The following EIPR1 variants were observed in gnomAD, a reference collection of about 807,000 sequenced individuals.
EIPR1 encodes the protein EARP complex and GARP complex interacting protein 1, also known as EARP and GARP complex-interacting protein 1.
In EIPR1, 25 loss-of-function variants were observed where a neutral mutation model predicts 48.1. The observed-to-expected ratio is 0.52, with a 90% CI of 0.38 to 0.73. The LOEUF (loss-of-function observed/expected upper bound fraction) is 0.73, where lower values mean the gene tolerates loss of function less well. Ranked by LOEUF, EIPR1 falls within the 30% of genes least tolerant of loss-of-function variation. The pLI, the probability that EIPR1 is intolerant of heterozygous loss-of-function variation, is 0.00. For missense variants in EIPR1, 415 were observed against 506.2 expected (o/e 0.82, Z 1.73); for synonymous variants, 204 against 201.9 (o/e 1.01, Z -0.09).
chr2:3,213,061 T>C (rs1572301650), intron 5 of EIPR1, among the ~76,000 whole-genome samples: 1 of 152,302 alleles, frequency 6.6e-6, no homozygotes, highest in African/African-American at 2.4e-5. Context: ...GACTTATTAA[T>C]ATTCTAAGGC....
At chr2:3,334,687 C>T (rs377378210) in intron 3 of EIPR1, among the ~76,000 whole-genome samples, 8 of 152,256 alleles carry the variant, frequency 5.3e-5, no homozygotes, top group Non-Finnish European at 8.8e-5. Flanking sequence ...GCATTTCACA[C>T]TGGAAAACAG....
Position 3,290,593 on chromosome 2 carries a change from T to C in EIPR1, c.260-33138A>G, listed in dbSNP as rs964588595. 8.5e-5 allele frequency among the ~76,000 whole-genome samples: 13 copies of C among 152,142 alleles called. 1 individual carries two copies. The highest frequency in any genetic ancestry group is 3.1e-4 in the African/African-American group (13 of 41,414). ...TGTAATGGGTCTTGCCACTTGGGCATCTGTAGAATTCATTTGGCCATGAAT... is the reference window on the plus strand; with the variant it reads ...TGTAATGGGTCTTGCCACTTGGGCACCTGTAGAATTCATTTGGCCATGAAT... On this transcript the variant is annotated intron_variant, in intron 3 of 8. Coordinates refer to ENST00000382125, the MANE Select transcript of EIPR1 (RefSeq NM_003310.5).
At chr2:3,249,044 C>T (rs1666926623) in intron 4 of EIPR1, among the ~76,000 whole-genome samples, 1 of 152,156 alleles carries the variant, frequency 6.6e-6, no homozygotes, top group South Asian at 2.1e-4. Flanking sequence ...TAAATAGGTA[C>T]TGAGGAGGGG....
At chr2:3,254,119 C>G (rs1353769848) in intron 4 of EIPR1, among the ~76,000 whole-genome samples, 1 of 152,168 alleles carries the variant, frequency 6.6e-6, no homozygotes, top group Non-Finnish European at 1.5e-5. Flanking sequence ...TGGAGCCTGA[C>G]CCCAAAGGGC....
intron 3 of EIPR1, among the ~76,000 whole-genome samples, chr2:3,303,155 T>C (rs1252340269): frequency 2.0e-5 from 3 of 152,200 alleles, no homozygotes; most frequent in East Asian, 3.9e-4. Context: ...TCACGTGTAT[T>C]TGCTGCACTT....
intron 3 of EIPR1, among the ~76,000 whole-genome samples, chr2:3,293,551 C>T (rs1262104693): frequency 2.0e-5 from 3 of 152,202 alleles, no homozygotes. Context: ...AAGACGGGCC[C>T]ATCAGCCACG....
intron 3 of EIPR1, among the ~76,000 whole-genome samples, chr2:3,290,888 A>G (rs1055573638): frequency 6.6e-6 from 1 of 152,236 alleles, no homozygotes; most frequent in African/African-American, 2.4e-5. Flanking sequence ...GCAATGCAAG[A>G]GGAACACAGA....
intron 4 of EIPR1, among the ~76,000 whole-genome samples, chr2:3,232,686 C>A (rs568274999): frequency 6.6e-6 from 1 of 152,300 alleles, no homozygotes; most frequent in African/African-American, 2.4e-5. Flanking sequence ...CACTCACTCT[C>A]CTCTCAGGGG....
intron 4 of EIPR1, among the ~76,000 whole-genome samples, chr2:3,232,692 A>T (rs535277490): frequency 6.6e-6 from 1 of 152,154 alleles, no homozygotes; most frequent in Admixed American, 6.5e-5. Flanking sequence ...CTCTCCTCTC[A>T]GGGGAGAGAG....
intron 3 of EIPR1, among the ~76,000 whole-genome samples, chr2:3,323,952 C>T (rs1558298483): frequency 6.6e-6 from 1 of 152,182 alleles, no homozygotes; most frequent in South Asian, 2.1e-4. Flanking sequence ...GCTGAACACT[C>T]TTGGAAGGTT....
At chr2:3,324,860 C>G (rs1356658990) in intron 3 of EIPR1, among the ~76,000 whole-genome samples, 2 of 152,216 alleles carry the variant, frequency 1.3e-5, no homozygotes, top group African/African-American at 4.8e-5. Flanking sequence ...CTGACCCTCA[C>G]CAGGCTGGGG....
rs369520192 is a variant in EIPR1 at position 3,190,138 on chromosome 2, G to A, written c.990-630C>T. Among the ~76,000 whole-genome samples, 81 of 152,242 alleles carry A rather than the reference G, an allele frequency of 5.3e-4. 3 individuals carry two copies. In the South Asian group the frequency reaches 0.017, roughly 31 times the overall value. ...CCCACCTCGCCTCCCTTGACTGTGA[G>A]TTACCCTCACTGGGAGCCCTGACCA... On this transcript the variant is annotated intron_variant, in intron 8 of 8. Transcript: ENST00000382125.
chr2:3,210,627 C>CTTTTTTTTTTTTTTTTTTT lies in EIPR1; in HGVS notation c.516+3503_516+3521dup, dbSNP rs56963007. Among the ~76,000 whole-genome samples the CTTTTTTTTTTTTTTTTTTT allele has an allele frequency of 5.1e-5, 6 of 118,418 alleles. 3 individuals are homozygous for CTTTTTTTTTTTTTTTTTTT. Among genetic ancestry groups the CTTTTTTTTTTTTTTTTTTT allele is most frequent in the Non-Finnish European group, 3.5e-5 (2 of 57,636 alleles). 77.7% of individuals were successfully genotyped at this position (118,418 alleles called of 152,430 possible). A position where few individuals can be genotyped will look rare whatever the true frequency, so the allele number is the denominator to read the frequency against. ...TCTTCTCACTGTTTACCTCCCAATTCTTTTTTTTTTTTTTTTTTTTTGAGA... is the reference window on the plus strand; with the variant it reads ...TCTTCTCACTGTTTACCTCCCAATTCTTTTTTTTTTTTTTTTTTTTTTTTTTTTTTTTTTTTTTTTGAGA... On this transcript the variant is annotated intron_variant, in intron 5 of 8. Coordinates refer to ENST00000382125, the MANE Select transcript of EIPR1 (RefSeq NM_003310.5).
intron 1 of EIPR1, among the ~76,000 whole-genome samples, chr2:3,369,989 C>A (rs964790466): frequency 6.6e-6 from 1 of 152,136 alleles, no homozygotes; most frequent in East Asian, 1.9e-4. Context: ...GGCACCCCCC[C>A]CGTAGGGGCA....
chr2:3,325,276 C>A (rs1211305315), intron 3 of EIPR1, among the ~76,000 whole-genome samples: 2 of 152,220 alleles, frequency 1.3e-5, no homozygotes, highest in East Asian at 3.9e-4. Context: ...CGAGCCTGTG[C>A]AGAGCACGCC....
intron 2 of EIPR1, among the ~76,000 whole-genome samples, chr2:3,352,344 G>A (rs1670602444): frequency 6.7e-6 from 1 of 150,038 alleles, no homozygotes; most frequent in Non-Finnish European, 1.5e-5. Flanking sequence ...CCATGCTACA[G>A]AAGCTACCTG....
Position 3,312,997 on chromosome 2 carries a change from T to C in EIPR1, c.259+25020A>G, listed in dbSNP as rs1158057557. On this transcript the variant is annotated intron_variant, in intron 3 of 8. Coordinates refer to ENST00000382125, the MANE Select transcript of EIPR1 (RefSeq NM_003310.5). The surrounding 1 kb of genome is among the most constrained non-coding windows in gnomAD (Gnocchi z 5.5). ...CCTGTGTTTTATCTGACAACCCTAC[T>C]TCCGATGCACACTTCGCACCTCAGC... 6.6e-6 allele frequency among the ~76,000 whole-genome samples: 1 copy of C among 152,236 alleles called. No homozygotes were observed. Among genetic ancestry groups the C allele is most frequent in the Admixed American group, 6.5e-5 (1 of 15,286 alleles).
rs532189518 is a variant in EIPR1 at position 3,341,559 on chromosome 2, TGTGA to T, written c.127-3414_127-3411del. Among the ~76,000 whole-genome samples, 218 of 146,694 alleles carry T rather than the reference TGTGA, an allele frequency of 1.5e-3. 1 individual carries two copies. Among genetic ancestry groups the T allele is most frequent in the South Asian group, 2.9e-3 (13 of 4,504 alleles). On this transcript the variant is annotated intron_variant, in intron 2 of 8. Transcript: ENST00000382125. ...GAGGTGCAGCTGTGTGTGGAGGGGGTGTGAGTGTGAGGCAGGTGCAGGTGTGTAT... is the reference window on the plus strand; with the variant it reads ...GAGGTGCAGCTGTGTGTGGAGGGGGTGTGTGAGGCAGGTGCAGGTGTGTAT...
rs536585690 is a variant in EIPR1 at position 3,287,426 on chromosome 2, G to T, written c.260-29971C>A. On this transcript the variant is annotated intron_variant, in intron 3 of 8. Coordinates refer to ENST00000382125, the MANE Select transcript of EIPR1 (RefSeq NM_003310.5). ...AAGCGTGTTCACCACGCTCCGGAAA[G>T]CTCGTTCACAATCCAGAAAGCGCGT... Among the ~76,000 whole-genome samples, 3 of 144,768 alleles carry T rather than the reference G, an allele frequency of 2.1e-5. No individual in the cohort carries two copies. The South Asian group carries it at 6.6e-4, about 32-fold the overall frequency. 95.0% of individuals were successfully genotyped at this position (144,768 alleles called of 152,430 possible).
Sources: gnomAD v4.1 joint callset for allele counts (sites outside exome capture counted in the v4.1 genomes callset) on GRCh38, gnomAD v4.1.1 for gene constraint, Gnocchi (gnomAD v3.1) non-coding constraint, MANE v1.5 for transcripts, NCBI Gene and HGNC (gene_info 2026-07-23, HGNC 2026-07-21) for gene names.